ARMC8: variants seen among roughly 807,000 people sequenced by gnomAD.
ARMC8 encodes the protein armadillo repeat-containing protein 8.
Under a neutral mutation model 99.3 loss-of-function variants are expected in ARMC8, and 20 were observed. The ratio of observed to expected loss-of-function variants is 0.20; its 90% CI spans 0.14 to 0.29. The LOEUF is 0.29. Among genes scored for constraint, ARMC8 ranks in the 10% least tolerant of loss-of-function variants. The probability of loss-of-function intolerance (pLI) is 1.00; values close to 1 mark genes in which losing one functional copy is unlikely to be tolerated. For synonymous variants in ARMC8, 263 were observed against 278.3 expected (o/e 0.95, Z 0.55); for missense variants, 569 against 809.5 (o/e 0.70, Z 3.60).
chr3:138,218,077 G>C (rs1039113697), intron 2 of ARMC8, among the ~76,000 whole-genome samples: 5 of 152,168 alleles, frequency 3.3e-5, no homozygotes, highest in Admixed American at 3.3e-4. Flanking sequence ...CATTGTGCTA[G>C]TATGGGGGTA....
chr3:138,223,727 G>A lies in ARMC8; in HGVS notation c.429G>A (p.Leu143=). The A allele has an allele frequency of 3.7e-6, 6 of 1,613,386 alleles. No homozygotes were observed. Among genetic ancestry groups the A allele is most frequent in the Non-Finnish European group, 5.1e-6 (6 of 1,179,432 alleles). ...GTCCTGTCACTCCAGAGGAGCTACTGTATACAGTGAGTTTTAGATGTATTT... is the reference window on the plus strand; with the variant it reads ...GTCCTGTCACTCCAGAGGAGCTACTATATACAGTGAGTTTTAGATGTATTT... ...FTSPVTPEEL[L]YTDATVIPHL... Residue 143 remains leucine (L), a synonymous_variant, in exon 5 of 22, where the codon CTG becomes CTA. Coordinates refer to ENST00000469044, the MANE Select transcript of ARMC8 (RefSeq NM_001363941.2).
intron 1 of ARMC8, among the ~76,000 whole-genome samples, chr3:138,200,904 C>CTTTTTT (rs34087212): frequency 4.7e-5 from 3 of 63,350 alleles, no homozygotes; most frequent in Admixed American, 2.4e-4. Context: ...CTTCAGTGGG[C>CTTTTTT]TTTTTTTTTT....
At chr3:138,218,421 C>A (rs1352231268) in intron 2 of ARMC8, among the ~76,000 whole-genome samples, 1 of 152,172 alleles carries the variant, frequency 6.6e-6, no homozygotes, top group Non-Finnish European at 1.5e-5. Context: ...TTCCATGCCA[C>A]CCTAAAGCGA....
At chr3:138,242,863 G>C (rs1366134277) in intron 11 of ARMC8, among the ~76,000 whole-genome samples, 2 of 152,118 alleles carry the variant, frequency 1.3e-5, no homozygotes, top group Non-Finnish European at 1.5e-5. Flanking sequence ...TCTTTACTCT[G>C]TCTTAAGAAG....
chr3:138,286,543 A>G (rs2050434236), intron 19 of ARMC8, among the ~76,000 whole-genome samples: 1 of 152,100 alleles, frequency 6.6e-6, no homozygotes, highest in African/African-American at 2.4e-5. Context: ...CTTCTCTTCT[A>G]CACGTGCTCT....
intron 20 of ARMC8, among the ~76,000 whole-genome samples, chr3:138,290,288 T>C (rs2050814533): frequency 6.6e-6 from 1 of 152,026 alleles, no homozygotes; most frequent in South Asian, 2.1e-4. Flanking sequence ...GACCCTGTAG[T>C]CCATGGAGAA....
chr3:138,212,167 A>T (rs896199414), intron 2 of ARMC8, among the ~76,000 whole-genome samples: 7 of 152,120 alleles, frequency 4.6e-5, no homozygotes, highest in African/African-American at 1.7e-4. Context: ...GTGTGATTTG[A>T]TAAAGCTTCC....
intron 10 of ARMC8, among the ~76,000 whole-genome samples, chr3:138,241,143 G>A (rs1476843165): frequency 6.6e-6 from 1 of 152,164 alleles, no homozygotes; most frequent in Non-Finnish European, 1.5e-5. Flanking sequence ...GATTTTTGAG[G>A]GACCTCAGAA....
chr3:138,206,859 A>G (rs1181942651), intron 1 of ARMC8, among the ~76,000 whole-genome samples: 2 of 152,236 alleles, frequency 1.3e-5, no homozygotes, highest in Admixed American at 1.3e-4. Context: ...AGCAACTTAT[A>G]TGATTATTTT....
intron 12 of ARMC8, chr3:138,245,703 T>G (rs930293568): frequency 4.0e-6 from 4 of 992,026 alleles, no homozygotes; most frequent in African/African-American, 3.5e-5. Context: ...TAGTGAGTGG[T>G]CATCTGAATT....
At position 138,225,075 on chromosome 3, in the gene ARMC8, G is replaced by A. The variant is rs569142047; in HGVS notation, c.435+1342G>A. On this transcript the variant is annotated intron_variant, in intron 5 of 21. Coordinates refer to ENST00000469044, the MANE Select transcript of ARMC8 (RefSeq NM_001363941.2). ...TAGAGAAGTGGAGAGGAAGGCATGA[G>A]GCACCGTGCTCAGCCCAAATTCATT... Among the ~76,000 whole-genome samples the A allele has an allele frequency of 5.9e-5, 9 of 151,366 alleles. No individual in the cohort carries two copies. In the East Asian group the frequency reaches 1.8e-3, roughly 29 times the overall value.
chr3:138,278,370 G>T (rs1007371634), intron 18 of ARMC8, among the ~76,000 whole-genome samples: 1 of 151,890 alleles, frequency 6.6e-6, no homozygotes, highest in Non-Finnish European at 1.5e-5. Flanking sequence ...GCCAGGTATG[G>T]TCACGCACCT....
chr3:138,225,404 C>A (rs1020677260), intron 5 of ARMC8, among the ~76,000 whole-genome samples: 1 of 152,164 alleles, frequency 6.6e-6, no homozygotes, highest in Non-Finnish European at 1.5e-5. Flanking sequence ...AGCCACTGCG[C>A]CCGGCCTCTT....
chr3:138,202,212 A>G (rs1017349589), intron 1 of ARMC8, among the ~76,000 whole-genome samples: 3 of 152,246 alleles, frequency 2.0e-5, no homozygotes, highest in African/African-American at 7.2e-5. Flanking sequence ...AATTTTGATT[A>G]GCAACCACTG....
intron 17 of ARMC8, among the ~76,000 whole-genome samples, chr3:138,273,515 A>T (rs2048978095): frequency 6.6e-6 from 1 of 152,124 alleles, no homozygotes; most frequent in South Asian, 2.1e-4. Flanking sequence ...CATTCCATAG[A>T]CCATCTCCCT....
At chr3:138,198,493 T>TTTATTA (rs139933871) in intron 1 of ARMC8, among the ~76,000 whole-genome samples, 114 of 146,462 alleles carry the variant, frequency 7.8e-4, no homozygotes, top group Middle Eastern at 3.6e-3. Context: ...TTGTATATTC[T>TTTATTA]TTATTATTAT....
At chr3:138,216,645 G>GC (rs2045060346) in intron 2 of ARMC8, among the ~76,000 whole-genome samples, 1 of 152,126 alleles carries the variant, frequency 6.6e-6, no homozygotes, top group African/African-American at 2.4e-5. Flanking sequence ...TTACCATGTT[G>GC]CCCTTATTCT....
chr3:138,218,322 A>G (rs2045197054), intron 2 of ARMC8, among the ~76,000 whole-genome samples: 2 of 152,104 alleles, frequency 1.3e-5, no homozygotes, highest in African/African-American at 4.8e-5. Flanking sequence ...TGCTTCCTTC[A>G]TGCCCCTTCT....
At chr3:138,204,161 T>G (rs914986577) in intron 1 of ARMC8, among the ~76,000 whole-genome samples, 9 of 152,160 alleles carry the variant, frequency 5.9e-5, no homozygotes, top group Admixed American at 3.3e-4. Flanking sequence ...TGGAGTGATC[T>G]TGGCTCATTG....
Sources: gnomAD v4.1 joint callset for allele counts (sites outside exome capture counted in the v4.1 genomes callset) on GRCh38, gnomAD v4.1.1 for gene constraint, MANE v1.5 for transcripts, NCBI Gene and HGNC (gene_info 2026-07-23, HGNC 2026-07-21) for gene names.